The following HTRA4 variants were observed in gnomAD, a reference collection of about 807,000 sequenced individuals.
HTRA4 encodes HtrA serine peptidase 4, also known as serine protease HTRA4.
Under a neutral mutation model 49.1 loss-of-function variants are expected in HTRA4, and 46 were observed. The observed-to-expected ratio is 0.94, with a 90% CI of 0.74 to 1.20. The LOEUF (loss-of-function observed/expected upper bound fraction) is 1.20, where lower values mean the gene tolerates loss of function less well. HTRA4 is among the 50% of genes most tolerant of loss of function. The probability of loss-of-function intolerance (pLI) is 0.00; values close to 1 mark genes in which losing one functional copy is unlikely to be tolerated. For synonymous variants in HTRA4, 261 were observed against 264.0 expected, an observed-to-expected ratio of 0.99 and a Z score of 0.11; for missense variants, 602 against 636.9, an observed-to-expected ratio of 0.95 and a Z score of 0.59.
chr8:38,977,196 A>G (rs1043868553), intron 3 of HTRA4, among the ~76,000 whole-genome samples: 1 of 151,694 alleles, frequency 6.6e-6, no homozygotes, highest in Non-Finnish European at 1.5e-5. Context: ...TCGGCCTCCC[A>G]AAGTGCTGGG....
Position 38,974,229 on chromosome 8 carries a change from AAGTC to A in HTRA4, c.-33_-30del. 1 of 1,605,774 alleles carries A rather than the reference AAGTC, an allele frequency of 6.2e-7. No homozygotes were observed. The highest frequency in any genetic ancestry group is 8.5e-7 in the Non-Finnish European group (1 of 1,174,658). ...TAGGAGGGTTTGCAGGTCCAGAGTA[AAGTC>A]ACTGAAGAGTGGAAGCGAGGAAGGA... On this transcript the variant is annotated 5_prime_UTR_variant, in exon 1 of 9. Transcript: ENST00000302495.
intron 8 of HTRA4, 31 bp downstream of exon 8, chr8:38,983,079 C>T: frequency 2.1e-6 from 3 of 1,462,028 alleles, no homozygotes; most frequent in South Asian, 2.3e-5. Context: ...TGTCATCTAC[C>T]TTTGCTTTTT....
chr8:38,974,810 A>G (rs2129426777), intron 1 of HTRA4, 81 bp downstream of exon 1: 1 of 1,321,750 alleles, frequency 7.6e-7, no homozygotes, highest in South Asian at 1.5e-5. Context: ...CTGAGACCGC[A>G]CAGTTCGCGC....
Position 38,988,636 on chromosome 8 carries a change from TTAAAAATAAAAA to T in HTRA4, c.*545_*556del, listed in dbSNP as rs139592028. On this transcript the variant is annotated 3_prime_UTR_variant, in exon 9 of 9. Transcript: ENST00000302495. The stretch of plus-strand genomic sequence containing the variant: ...ACATCCTGCATATGTACCTCAGAAC[TTAAAAATAAAAA>T]TAAAAAGAAAAATGGTAATGTTGTG... 1.3e-5 allele frequency: 2 copies of T among 152,046 alleles called. No individual in the cohort carries two copies. The highest frequency in any genetic ancestry group is 2.9e-5 in the Non-Finnish European group (2 of 68,020). The allele number at this position is 152,046 out of a possible 1,614,324, so 9.4% of individuals were successfully genotyped here.
Position 38,978,232 on chromosome 8 carries a change from C to T in HTRA4, c.966+85C>T, listed in dbSNP as rs543662505. ...GCCTGTTAGGAACTGGGCCGCACAG[C>T]AGGCTGTGAGCCATGGGCGAGTGAG... On this transcript the variant is annotated intron_variant, in intron 4 of 8. Transcript: ENST00000302495. 205 of 1,207,544 alleles carry T rather than the reference C, an allele frequency of 1.7e-4. No individual in the cohort carries two copies. The East Asian group carries it at 4.2e-3, about 25-fold the overall frequency. 74.8% of individuals were successfully genotyped at this position (1,207,544 alleles called of 1,614,324 possible).
chr8:38,976,149 T>G (rs571327138), intron 2 of HTRA4, among the ~76,000 whole-genome samples: 124 of 152,282 alleles, frequency 8.1e-4, no homozygotes, highest in East Asian at 9.7e-4. Flanking sequence ...CGGTGGCTCA[T>G]GCCTGTAATC....
intron 2 of HTRA4, among the ~76,000 whole-genome samples, chr8:38,975,769 C>T (rs1835343775): frequency 6.6e-6 from 1 of 152,084 alleles, no homozygotes; most frequent in Non-Finnish European, 1.5e-5. Flanking sequence ...AAATCCAGAC[C>T]CAGAGAGCAG....
chr8:38,974,770 T>A, intron 1 of HTRA4, 41 bp downstream of exon 1: 1 of 1,414,596 alleles, frequency 7.1e-7, no homozygotes. Flanking sequence ...ACTTTCTAAC[T>A]CTGGAGGAGC....
intron 7 of HTRA4, among the ~76,000 whole-genome samples, 165 bp from the exon 8 acceptor site, chr8:38,982,788 G>C (rs999388733): frequency 2.0e-5 from 3 of 152,220 alleles, no homozygotes; most frequent in Admixed American, 6.5e-5. Flanking sequence ...CTTTGGGATA[G>C]AGGCTCAGCC....
At chr8:38,975,644 A>G (rs564889742) in intron 2 of HTRA4, among the ~76,000 whole-genome samples, 46 of 152,278 alleles carry the variant, frequency 3.0e-4, no homozygotes, top group Admixed American at 1.5e-3. Context: ...TCCTGGGCCC[A>G]AACGATCTGC....
intron 7 of HTRA4, 108 bp from the exon 8 acceptor site, chr8:38,982,845 C>T (rs4733963): frequency 0.79 from 573,030 of 729,124 alleles, 226,520 homozygotes; most frequent in East Asian, 0.94. Context: ...GAATCTTCCT[C>T]GGCCCTTGTG....
chr8:38,974,785 A>G, intron 1 of HTRA4, 56 bp downstream of exon 1: 1 of 1,400,826 alleles, frequency 7.1e-7, no homozygotes. Flanking sequence ...AGGAGCGTAA[A>G]GGAACAAGAC....
chr8:38,987,324 G>A (rs1189825863), intron 8 of HTRA4, among the ~76,000 whole-genome samples: 1 of 152,170 alleles, frequency 6.6e-6, no homozygotes, highest in African/African-American at 2.4e-5. Context: ...TATGTTGAAG[G>A]CAATAAAGTC....
At chr8:38,978,694 G>A (rs1340725858) in intron 4 of HTRA4, among the ~76,000 whole-genome samples, 1 of 152,098 alleles carries the variant, frequency 6.6e-6, no homozygotes, top group Non-Finnish European at 1.5e-5. Context: ...CACCCCTCCT[G>A]TAAGAAGGTG....
intron 8 of HTRA4, 66 bp downstream of exon 8, chr8:38,983,114 C>A: frequency 9.8e-7 from 1 of 1,019,166 alleles, no homozygotes; most frequent in Non-Finnish European, 1.5e-6. Context: ...TGGTAAAATG[C>A]ATGGGGGATC....
At chr8:38,982,895 C>A in intron 7 of HTRA4, 58 bp from the exon 8 acceptor site, 2 of 1,227,184 alleles carry the variant, frequency 1.6e-6, no homozygotes, top group Non-Finnish European at 2.4e-6. Context: ...GAATTTCAGG[C>A]TTTTACCAGG....
chr8:38,987,433 G>A (rs999138446), intron 8 of HTRA4, among the ~76,000 whole-genome samples: 1 of 133,134 alleles, frequency 7.5e-6, no homozygotes, highest in African/African-American at 2.7e-5. Flanking sequence ...TTCCTATAAT[G>A]CAGCTCAGCA....
At chr8:38,982,707 C>A in intron 7 of HTRA4, 152 bp downstream of exon 7, 1 of 702,848 alleles carries the variant, frequency 1.4e-6, no homozygotes, top group Non-Finnish European at 2.5e-6. Context: ...TCTGCCTCTG[C>A]CTGCATCAGC....
chr8:38,979,254 G>A lies in HTRA4; in HGVS notation c.999+7G>A. 2 of 1,611,960 alleles carry A rather than the reference G, an allele frequency of 1.2e-6. No individual in the cohort carries two copies. Among genetic ancestry groups the A allele is most frequent in the Non-Finnish European group, 8.5e-7 (1 of 1,178,058 alleles). The stretch of plus-strand genomic sequence containing the variant: ...TGGTCCTCTGGTGAACTTGGTAAGT[G>A]ATCACTTTCCTTGTTGCTTCATGTT... On this transcript the variant is annotated splice_region_variant and intron_variant, in intron 5 of 8. Coordinates refer to ENST00000302495, the MANE Select transcript of HTRA4 (RefSeq NM_153692.4).
Sources: gnomAD v4.1 joint callset for allele counts (sites outside exome capture counted in the v4.1 genomes callset) on GRCh38, gnomAD v4.1.1 for gene constraint, MANE v1.5 for transcripts, NCBI Gene and HGNC (gene_info 2026-07-23, HGNC 2026-07-21) for gene names.